Variants in KDELR2 observed in about 807,000 individuals in gnomAD.
KDELR2 encodes the protein ER lumen protein-retaining receptor 2.
In KDELR2, 15 loss-of-function variants were observed where a neutral mutation model predicts 23.9. That is an observed-to-expected ratio of 0.63 (90% CI 0.42 to 0.97). KDELR2 has a LOEUF of 0.97. Among genes scored for constraint, KDELR2 ranks in the 50% least tolerant of loss-of-function variants. The pLI is 0.00. For missense variants in KDELR2, 272 were observed against 254.6 expected (o/e 1.07, Z -0.46); for synonymous variants, 119 against 106.2 (o/e 1.12, Z -0.74).
chr7:6,465,079 T>C (rs55707863), intron 4 of KDELR2, among the ~76,000 whole-genome samples: 55,768 of 151,464 alleles, frequency 0.37, 11,364 homozygotes, highest in Non-Finnish European at 0.47. Flanking sequence ...AGGAATTTTA[T>C]TGTATAGCTG....
chr7:6,483,593 A>AC (rs1209438644), intron 1 of KDELR2, among the ~76,000 whole-genome samples: 1 of 151,828 alleles, frequency 6.6e-6, no homozygotes, highest in African/African-American at 2.4e-5. Flanking sequence ...CAACCCCGGG[A>AC]CCCCCACGGG....
intron 1 of KDELR2, among the ~76,000 whole-genome samples, chr7:6,475,322 G>T (rs1307920475): frequency 6.6e-6 from 1 of 152,260 alleles, no homozygotes. Context: ...AGCTACATGG[G>T]AGGTTGAGGT....
chr7:6,482,490 G>C, intron 1 of KDELR2: 1 of 443,842 alleles, frequency 2.3e-6, no homozygotes. Flanking sequence ...CAAACACACT[G>C]GCACATGGAC....
At chr7:6,469,039 C>T (rs1257288589) in intron 3 of KDELR2, among the ~76,000 whole-genome samples, 1 of 151,378 alleles carries the variant, frequency 6.6e-6, no homozygotes, top group Non-Finnish European at 1.5e-5. Flanking sequence ...GCAAGCTCCA[C>T]CTCCCGGGTT....
intron 3 of KDELR2, among the ~76,000 whole-genome samples, chr7:6,468,652 C>T (rs1270397761): frequency 3.3e-5 from 5 of 151,988 alleles, no homozygotes; most frequent in African/African-American, 1.2e-4. Context: ...ACTACAGGCG[C>T]CCGCCACCAC....
chr7:6,461,149 G>A lies in KDELR2; in HGVS notation c.*1992C>T, dbSNP rs969921653. 5 of 152,162 alleles carry A rather than the reference G, an allele frequency of 3.3e-5. No individual in the cohort carries two copies. The highest frequency in any genetic ancestry group is 1.2e-4 in the African/African-American group (5 of 41,422). The allele number at this position is 152,162 out of a possible 1,614,324, so 9.4% of individuals were successfully genotyped here. On this transcript the variant is annotated 3_prime_UTR_variant, in exon 5 of 5. Coordinates refer to ENST00000258739, the MANE Select transcript of KDELR2 (RefSeq NM_006854.4). ...GTAACTGTGAAACAGTGCTTCATAA[G>A]GCGTGGCATACAAGGCCTTGGTTTC...
chr7:6,466,398 T>G (rs1368647162), intron 3 of KDELR2, 75 bp from the exon 4 acceptor site: 1 of 1,558,360 alleles, frequency 6.4e-7, no homozygotes, highest in Non-Finnish European at 8.7e-7. Context: ...CTTGCTTTCT[T>G]TACCACAAAG....
rs566405147 is a variant in KDELR2, at chr7:6,484,107, G to A, written c.-50C>T. On this transcript the variant is annotated 5_prime_UTR_variant, in exon 1 of 5. Transcript: ENST00000258739. ...CGCAGCGCGGCGGCCCCGGGGCTGG[G>A]CGGCTCAGGAGGCGGCGGCCCCTGA... 84 of 1,315,134 alleles carry A rather than the reference G, an allele frequency of 6.4e-5. No individual in the cohort carries two copies. In the South Asian group the frequency reaches 1.5e-3, roughly 23 times the overall value. 81.5% of individuals were successfully genotyped at this position (1,315,134 alleles called of 1,614,324 possible).
chr7:6,480,355 G>C (rs1040519964), intron 1 of KDELR2, among the ~76,000 whole-genome samples: 5 of 152,180 alleles, frequency 3.3e-5, no homozygotes, highest in African/African-American at 1.2e-4. Flanking sequence ...CAAAAATAAA[G>C]TGACAACTTG....
chr7:6,474,430 A>G (rs1218525720), intron 1 of KDELR2, 146 bp from the exon 2 acceptor site: 1 of 599,062 alleles, frequency 1.7e-6, no homozygotes, highest in Non-Finnish European at 3.0e-6. Context: ...GAACAAGAGC[A>G]GTTGTAGTTT....
intron 1 of KDELR2, among the ~76,000 whole-genome samples, chr7:6,477,771 A>G (rs761081528): frequency 4.6e-5 from 7 of 152,148 alleles, no homozygotes; most frequent in Non-Finnish European, 8.8e-5. Flanking sequence ...AATCTTCCCA[A>G]TGAGGTATTA....
At chr7:6,479,167 CT>C (rs1230324917) in intron 1 of KDELR2, among the ~76,000 whole-genome samples, 2 of 151,906 alleles carry the variant, frequency 1.3e-5, no homozygotes, top group East Asian at 3.9e-4. Context: ...TTTTGTTTGT[CT>C]TTTGTTTTTG....
chr7:6,469,735 G>A lies in KDELR2; in HGVS notation c.212C>T (p.Ser71Phe). ...TSMKVIYLAC[S>F]YATVYLIYLK... is the part of the protein sequence containing the mutation. ...GTAGATCAGGTACACTGTGGCATAG[G>A]AGCAGGCAAGGTAGATAACCTACAA... Residue 71 changes from serine to phenylalanine, a missense_variant, in exon 3 of 5, where the codon TCC (serine) becomes TTC (phenylalanine). Transcript: ENST00000258739. 3 of 1,613,558 alleles carry A rather than the reference G, an allele frequency of 1.9e-6. No homozygotes were observed. The highest frequency in any genetic ancestry group is 1.3e-5 in the African/African-American group (1 of 74,972).
intron 1 of KDELR2, chr7:6,482,568 G>C (rs1197619486): frequency 2.1e-6 from 1 of 470,810 alleles, no homozygotes; most frequent in Non-Finnish European, 4.4e-6. Flanking sequence ...TCTCAGTTAT[G>C]TTCCAAGGAG....
At position 6,470,393 on chromosome 7, in the gene KDELR2, A is replaced by C. The variant is rs1257176987; in HGVS notation, c.193-639T>G. 4 of 152,182 alleles carry C rather than the reference A, an allele frequency of 2.6e-5. No homozygotes were observed. In the East Asian group the frequency reaches 7.7e-4, roughly 29 times the overall value. 9.4% of individuals were successfully genotyped at this position (152,182 alleles called of 1,614,324 possible). A position where few individuals can be genotyped will look rare whatever the true frequency, so the allele number is the denominator to read the frequency against. Reference sequence around the variant, plus strand: ...CAGTTAGGTGAACTGGCATGTGTGAACTGTCCTAGTGTGAGTGGGTGTGGG... The same window carrying C: ...CAGTTAGGTGAACTGGCATGTGTGACCTGTCCTAGTGTGAGTGGGTGTGGG... On this transcript the variant is annotated intron_variant, in intron 2 of 4. Transcript: ENST00000258739.
chr7:6,465,032 G>A (rs1225131461), intron 4 of KDELR2, among the ~76,000 whole-genome samples: 2 of 151,682 alleles, frequency 1.3e-5, no homozygotes, highest in East Asian at 2.0e-4. Context: ...CATCGCACCC[G>A]ACCTATATAT....
chr7:6,471,707 T>C (rs1785647063), intron 2 of KDELR2, among the ~76,000 whole-genome samples: 1 of 152,168 alleles, frequency 6.6e-6, no homozygotes, highest in Non-Finnish European at 1.5e-5. Context: ...CGTCCATTGG[T>C]GGTCCATTGT....
intron 1 of KDELR2, among the ~76,000 whole-genome samples, chr7:6,482,832 CAAAAAAAAAAA>C (rs10525658): frequency 3.9e-4 from 48 of 122,924 alleles, no homozygotes; most frequent in African/African-American, 1.2e-3. Flanking sequence ...CAAAAAATAG[CAAAAAAAAAAA>C]AAAAAAAAAA....
chr7:6,465,892 G>T (rs1785493499), intron 4 of KDELR2, among the ~76,000 whole-genome samples, 179 bp downstream of exon 4: 1 of 151,932 alleles, frequency 6.6e-6, no homozygotes, highest in African/African-American at 2.4e-5. Context: ...TATTGCAAAA[G>T]AAAAAGGGTT....
Sources: allele counts gnomAD v4.1 joint callset (sites outside exome capture counted in the v4.1 genomes callset), GRCh38; gene constraint gnomAD v4.1.1; transcripts MANE v1.5; gene names NCBI Gene and HGNC (gene_info 2026-07-23, HGNC 2026-07-21).